Variants in RFC3 observed in about 807,000 individuals in gnomAD.
RFC3 encodes replication factor C subunit 3.
In RFC3, 41 loss-of-function variants were observed where a neutral mutation model predicts 45.1. That is an observed-to-expected ratio of 0.91 (90% CI 0.71 to 1.18). The LOEUF is 1.18. Among genes scored for constraint, RFC3 ranks in the 50% most tolerant of loss-of-function variants. RFC3 has a pLI of 0.00. For missense variants in RFC3, 423 were observed against 428.1 expected (o/e 0.99, Z 0.10); for synonymous variants, 149 against 144.0 (o/e 1.03, Z -0.25).
intron 8 of RFC3, among the ~76,000 whole-genome samples, chr13:33,865,457 T>TACCTA (rs1023619797): frequency 7.7e-6 from 1 of 129,190 alleles, no homozygotes; most frequent in African/African-American, 2.7e-5. Flanking sequence ...CAAACCTAGG[T>TACCTA]GGAGAAAGCT....
At chr13:33,939,849 AC>A (rs966905440) in intron 8 of RFC3, among the ~76,000 whole-genome samples, 1 of 152,150 alleles carries the variant, frequency 6.6e-6, no homozygotes, top group Non-Finnish European at 1.5e-5. Flanking sequence ...CAGAGAAAAC[AC>A]CCCAGAGAAC....
At chr13:33,923,521 T>G (rs2082783017) in intron 8 of RFC3, among the ~76,000 whole-genome samples, 1 of 152,132 alleles carries the variant, frequency 6.6e-6, no homozygotes, top group Non-Finnish European at 1.5e-5. Context: ...CCCAGGGGTC[T>G]TCAGGCCACA....
At chr13:33,828,733 C>G (rs2082074701) in intron 4 of RFC3, among the ~76,000 whole-genome samples, 1 of 152,154 alleles carries the variant, frequency 6.6e-6, no homozygotes, top group Non-Finnish European at 1.5e-5. Flanking sequence ...GCTATGTTGC[C>G]CAGGCTAGTG....
At chr13:33,926,610 A>G (rs1360728380) in intron 8 of RFC3, among the ~76,000 whole-genome samples, 1 of 152,114 alleles carries the variant, frequency 6.6e-6, no homozygotes, top group Non-Finnish European at 1.5e-5. Context: ...CAAATTCAGT[A>G]AGTTTTACTG....
At chr13:33,972,870 A>G in the RFC3 span, among the ~76,000 whole-genome samples, 1 of 152,232 alleles carries the variant, frequency 6.6e-6, no homozygotes, top group Non-Finnish European at 1.5e-5. Flanking sequence ...ATAAATGTAT[A>G]CATAAAGAGT....
intron 8 of RFC3, among the ~76,000 whole-genome samples, chr13:33,965,545 C>A (rs1411562355): frequency 6.6e-6 from 1 of 152,108 alleles, no homozygotes; most frequent in African/African-American, 2.4e-5. Context: ...GAAAGTATCT[C>A]TATCATGAAG....
intron 8 of RFC3, among the ~76,000 whole-genome samples, chr13:33,915,511 A>C (rs190774547): frequency 1.3e-5 from 2 of 152,284 alleles, no homozygotes; most frequent in East Asian, 3.9e-4. Flanking sequence ...TCCACTAGCA[A>C]TGAAGAAGGA....
chr13:33,898,998 C>G (rs1314801119), intron 8 of RFC3, among the ~76,000 whole-genome samples: 4 of 151,322 alleles, frequency 2.6e-5, no homozygotes, highest in Admixed American at 2.0e-4. Context: ...GTAATGAGAT[C>G]AAAGCTGTAA....
At chr13:33,902,678 G>A (rs1025102413) in intron 8 of RFC3, among the ~76,000 whole-genome samples, 3 of 151,634 alleles carry the variant, frequency 2.0e-5, no homozygotes, top group Admixed American at 6.6e-5. Flanking sequence ...ACTCTTCCCC[G>A]TCCAAGCCAA....
At chr13:33,929,726 TTTCAA>T (rs1181247567) in intron 8 of RFC3, among the ~76,000 whole-genome samples, 2 of 152,090 alleles carry the variant, frequency 1.3e-5, no homozygotes, top group Non-Finnish European at 2.9e-5. Flanking sequence ...CATAATATAT[TTTCAA>T]TTCAATATTC....
chr13:33,842,534 C>T (rs962893150), intron 8 of RFC3, among the ~76,000 whole-genome samples: 3 of 152,138 alleles, frequency 2.0e-5, no homozygotes, highest in Non-Finnish European at 4.4e-5. Context: ...CAGATCTCTG[C>T]CCAACATAGG....
At chr13:33,948,591 C>T (rs2082969070) in intron 8 of RFC3, among the ~76,000 whole-genome samples, 4 of 152,204 alleles carry the variant, frequency 2.6e-5, no homozygotes. Flanking sequence ...CTGGAAAAGC[C>T]TCAGACACTC....
At chr13:33,952,434 G>A (rs111958151) in intron 8 of RFC3, among the ~76,000 whole-genome samples, 1,631 of 30,316 alleles carry the variant, frequency 0.054, 17 homozygotes, top group Middle Eastern at 0.12. Context: ...TTTTTGGAAA[G>A]TGGGAAAAAG....
intron 8 of RFC3, among the ~76,000 whole-genome samples, chr13:33,912,508 G>A (rs1209285769): frequency 1.3e-5 from 2 of 152,092 alleles, no homozygotes; most frequent in African/African-American, 2.4e-5. Context: ...TGGTAGTTAG[G>A]CAAAGGAGGC....
At chr13:33,895,260 G>T (rs1472507647) in intron 8 of RFC3, among the ~76,000 whole-genome samples, 4 of 152,114 alleles carry the variant, frequency 2.6e-5, no homozygotes, top group Admixed American at 6.6e-5. Context: ...TCTGACACAG[G>T]ACTAATATCC....
At chr13:33,873,041 T>C (rs1340285562) in intron 8 of RFC3, among the ~76,000 whole-genome samples, 1 of 152,132 alleles carries the variant, frequency 6.6e-6, no homozygotes, top group East Asian at 1.9e-4. Context: ...GGAGACAAAA[T>C]TGAGGGAAAA....
At chr13:33,835,082 AG>A in intron 7 of RFC3, 65 bp from the exon 8 acceptor site, 1 of 942,448 alleles carries the variant, frequency 1.1e-6, no homozygotes, top group African/African-American at 1.6e-5. Flanking sequence ...AAAACCATAC[AG>A]TGGGAATTTG....
At chr13:33,970,736 A>G (rs1186841434), downstream of RFC3, among the ~76,000 whole-genome samples, 1 of 152,256 alleles carries the variant, frequency 6.6e-6, no homozygotes, top group East Asian at 1.9e-4. Context: ...CACAGGACAC[A>G]TACCTCAGGG....
intron 8 of RFC3, among the ~76,000 whole-genome samples, chr13:33,895,128 T>A (rs932315859): frequency 7.0e-6 from 1 of 143,772 alleles, no homozygotes; most frequent in Non-Finnish European, 1.5e-5. Flanking sequence ...CAAAAGCCAA[T>A]GCAACACAAA....
Sources: allele counts gnomAD v4.1 joint callset (sites outside exome capture counted in the v4.1 genomes callset), GRCh38; gene constraint gnomAD v4.1.1; transcripts MANE v1.5; gene names NCBI Gene and HGNC (gene_info 2026-07-23, HGNC 2026-07-21).